The following PTPRD variants were observed in gnomAD, a reference collection of about 807,000 sequenced individuals.
PTPRD encodes the protein protein tyrosine phosphatase receptor type D.
PTPRD carries 34 observed loss-of-function variants against 214.5 expected under a neutral mutation model. That is an observed-to-expected ratio of 0.16 (90% CI 0.12 to 0.21). The LOEUF is 0.21. PTPRD is among the 10% of genes least tolerant of loss of function. PTPRD has a pLI of 1.00. For synonymous variants in PTPRD, 1,128 were observed against 845.7 expected (o/e 1.33, Z -5.79); for missense variants, 2,545 against 2,398.7 (o/e 1.06, Z -1.27).
At chr9:8,534,195 T>C (rs2076366784) in intron 14 of PTPRD, among the ~76,000 whole-genome samples, 1 of 151,958 alleles carries the variant, frequency 6.6e-6, no homozygotes, top group Non-Finnish European at 1.5e-5. Context: ...ACAGGAGGCT[T>C]TCCCTCATAT....
intron 7 of PTPRD, among the ~76,000 whole-genome samples, chr9:9,658,642 A>T (rs2096566853): frequency 6.6e-6 from 1 of 152,160 alleles, no homozygotes; most frequent in South Asian, 2.1e-4. Flanking sequence ...TATGCTATGA[A>T]AATTCTGGTC....
intron 9 of PTPRD, among the ~76,000 whole-genome samples, chr9:9,326,896 T>C (rs2040181886): frequency 6.6e-6 from 1 of 152,192 alleles, no homozygotes; most frequent in Admixed American, 6.6e-5. Context: ...CCACTTCTCT[T>C]GTCCCAGAAG....
intron 11 of PTPRD, among the ~76,000 whole-genome samples, chr9:8,825,520 C>T (rs929465057): frequency 6.6e-6 from 1 of 151,998 alleles, no homozygotes; most frequent in African/African-American, 2.4e-5. Context: ...GCTGTAATAG[C>T]TTAAAAGAAA....
intron 11 of PTPRD, among the ~76,000 whole-genome samples, chr9:8,753,573 TA>T (rs1225321386): frequency 6.6e-6 from 1 of 152,160 alleles, no homozygotes; most frequent in African/African-American, 2.4e-5. Flanking sequence ...GACTAGTTAC[TA>T]GAATGTGTGA....
At chr9:10,238,789 G>C (rs1564718797) in intron 3 of PTPRD, among the ~76,000 whole-genome samples, 1 of 151,816 alleles carries the variant, frequency 6.6e-6, no homozygotes, top group Non-Finnish European at 1.5e-5. Flanking sequence ...ACAAAAGTTG[G>C]GATAATTGAA....
At chr9:10,505,723 G>C (rs1360199763) in intron 2 of PTPRD, among the ~76,000 whole-genome samples, 2 of 151,402 alleles carry the variant, frequency 1.3e-5, no homozygotes, top group African/African-American at 2.4e-5. Flanking sequence ...CCCAGCTATA[G>C]TTCCATGTTA....
At chr9:10,401,160 C>G (rs771961536) in intron 2 of PTPRD, among the ~76,000 whole-genome samples, 3 of 151,678 alleles carry the variant, frequency 2.0e-5, no homozygotes, top group Non-Finnish European at 3.0e-5. Context: ...AAGTTTCTCT[C>G]TAAAAATGAC....
intron 2 of PTPRD, among the ~76,000 whole-genome samples, chr9:10,349,801 C>G (rs961838457): frequency 2.0e-5 from 3 of 152,134 alleles, no homozygotes; most frequent in Admixed American, 6.5e-5. Context: ...GAATATCTTA[C>G]AGGTGCATGC....
At chr9:8,421,374 C>CTTCTCT (rs202043112) in intron 35 of PTPRD, among the ~76,000 whole-genome samples, 1 of 149,616 alleles carries the variant, frequency 6.7e-6, no homozygotes, top group Non-Finnish European at 1.5e-5. Flanking sequence ...CTTCTCTTCT[C>CTTCTCT]TCTCTCTCTC....
chr9:9,548,749 C>T (rs1020900328), intron 8 of PTPRD, among the ~76,000 whole-genome samples: 3 of 152,024 alleles, frequency 2.0e-5, no homozygotes, highest in South Asian at 2.1e-4. Flanking sequence ...TTTAAGATAA[C>T]GAATATTACC....
At chr9:9,058,870 C>T (rs917425533) in intron 10 of PTPRD, among the ~76,000 whole-genome samples, 3 of 151,992 alleles carry the variant, frequency 2.0e-5, no homozygotes, top group African/African-American at 7.3e-5. Flanking sequence ...AATGTAATTC[C>T]TCTGAAGATG....
chr9:8,881,905 G>A (rs1444243064), intron 11 of PTPRD, among the ~76,000 whole-genome samples: 1 of 152,126 alleles, frequency 6.6e-6, no homozygotes, highest in Non-Finnish European at 1.5e-5. Context: ...CTTACTCGGA[G>A]GAAAGAAAGG....
At chr9:10,475,825 T>C (rs1268532882) in intron 2 of PTPRD, among the ~76,000 whole-genome samples, 4 of 152,042 alleles carry the variant, frequency 2.6e-5, no homozygotes, top group African/African-American at 7.2e-5. Context: ...TGGTTCAATA[T>C]ATGCATATCA....
intron 2 of PTPRD, among the ~76,000 whole-genome samples, chr9:10,508,041 A>G (rs1051475930): frequency 2.6e-5 from 4 of 151,904 alleles, no homozygotes; most frequent in Non-Finnish European, 5.9e-5. Flanking sequence ...AATTTTTGCA[A>G]TCTACTTATC....
chr9:9,173,822 G>A (rs562468917), intron 10 of PTPRD, among the ~76,000 whole-genome samples: 21 of 152,034 alleles, frequency 1.4e-4, no homozygotes, highest in Non-Finnish European at 2.4e-4. Context: ...ATACTTTGCC[G>A]GTTTCTCTTT....
intron 2 of PTPRD, among the ~76,000 whole-genome samples, chr9:10,584,002 C>A (rs2073026327): frequency 6.6e-6 from 1 of 152,004 alleles, no homozygotes; most frequent in African/African-American, 2.4e-5. Context: ...GCATTGCCAG[C>A]CTAAAAGGAG....
chr9:8,459,755 T>G (rs2134091663), intron 33 of PTPRD, among the ~76,000 whole-genome samples: 1 of 152,182 alleles, frequency 6.6e-6, no homozygotes, highest in East Asian at 1.9e-4. Flanking sequence ...ATGGGCATAA[T>G]AAGACTGAGA....
intron 9 of PTPRD, among the ~76,000 whole-genome samples, chr9:9,246,349 T>G (rs10977613): frequency 0.25 from 38,004 of 152,068 alleles, 5,462 homozygotes; most frequent in Middle Eastern, 0.34. Flanking sequence ...AGCTGAAGCT[T>G]GACCACTTGA....
At chr9:9,761,922 T>C (rs1470421638) in intron 6 of PTPRD, among the ~76,000 whole-genome samples, 2 of 152,208 alleles carry the variant, frequency 1.3e-5, no homozygotes, top group African/African-American at 4.8e-5. Context: ...TATTCATTGC[T>C]TTGGGATATT....
Sources: allele counts gnomAD v4.1 joint callset (sites outside exome capture counted in the v4.1 genomes callset), GRCh38; gene constraint gnomAD v4.1.1; transcripts MANE v1.5; gene names NCBI Gene and HGNC (gene_info 2026-07-23, HGNC 2026-07-21).